ATPAF2: variants seen among roughly 807,000 people sequenced by gnomAD.
ATPAF2 encodes the protein ATP synthase mitochondrial F1 complex assembly factor 2, also known as ATP12 homolog.
ATPAF2 carries 30 observed loss-of-function variants against 36.6 expected under a neutral mutation model. The ratio of observed to expected loss-of-function variants is 0.82; its 90% CI spans 0.61 to 1.11. The LOEUF is 1.11. Among genes scored for constraint, ATPAF2 ranks in the 50% most tolerant of loss-of-function variants. The pLI, the probability that ATPAF2 is intolerant of heterozygous loss-of-function variation, is 0.00. For synonymous variants in ATPAF2, 140 were observed against 152.6 expected (o/e 0.92, Z 0.61); for missense variants, 321 against 372.3 (o/e 0.86, Z 1.13).
intron 1 of ATPAF2, among the ~76,000 whole-genome samples, chr17:18,035,370 T>C (rs2044689768): frequency 6.6e-6 from 1 of 152,220 alleles, no homozygotes; most frequent in African/African-American, 2.4e-5. Flanking sequence ...AAGTAGTAGT[T>C]GCCAAGGGAT....
chr17:18,035,390 A>C (rs2044689985), intron 1 of ATPAF2, among the ~76,000 whole-genome samples: 1 of 152,238 alleles, frequency 6.6e-6, no homozygotes, highest in Non-Finnish European at 1.5e-5. Context: ...TGGAAGTAGT[A>C]AGGGTGGATG....
chr17:18,024,766 G>A, intron 4 of ATPAF2, 62 bp from the exon 5 acceptor site: 5 of 1,455,302 alleles, frequency 3.4e-6, no homozygotes, highest in Middle Eastern at 1.8e-4. Context: ...TTCAGTGATA[G>A]AAAAGGAAAA....
chr17:18,015,932 C>T (rs929529398), downstream of ATPAF2: 2 of 899,136 alleles, frequency 2.2e-6, no homozygotes, highest in African/African-American at 3.3e-5. Context: ...TGCGCTGATA[C>T]AAAGGTGGGC....
intron 2 of ATPAF2, 29 bp from the exon 3 acceptor site, chr17:18,028,406 G>A (rs755723720): frequency 6.2e-7 from 1 of 1,612,068 alleles, no homozygotes; most frequent in South Asian, 1.1e-5. Flanking sequence ...AAACTCTCAG[G>A]GATTTGTTAA....
rs368553293 is a variant in ATPAF2 at position 18,028,632 on chromosome 17, C to G, written c.161G>C (p.Ser54Thr). The G allele has an allele frequency of 1.2e-6, 2 of 1,610,962 alleles. No homozygotes were observed. Among genetic ancestry groups the G allele is most frequent in the Middle Eastern group, 1.7e-4 (1 of 6,044 alleles). Reference protein sequence around the residue: ...TERKRFYQNVSITQGEGGFEI... With the variant: ...TERKRFYQNVTITQGEGGFEI... ...ACACTCACCTTCACCCTGTGTGATG[C>G]TGACATTCTGATAAAACCTCTTCCT... The change falls in exon 2 of 8, where the codon AGC becomes ACC. Residue 54 changes from serine to threonine, a missense_variant. Transcript: ENST00000474627.
intron 5 of ATPAF2, among the ~76,000 whole-genome samples, chr17:18,022,703 G>T (rs1190081186): frequency 6.8e-6 from 1 of 147,416 alleles, no homozygotes; most frequent in Non-Finnish European, 1.5e-5. Context: ...CCTGACCTCT[G>T]CGCCTGGCTG....
intron 1 of ATPAF2, among the ~76,000 whole-genome samples, chr17:18,033,510 T>C (rs1324405820): frequency 2.6e-5 from 4 of 151,850 alleles, no homozygotes; most frequent in Non-Finnish European, 4.4e-5. Context: ...CAGACATCAA[T>C]GGTAACCCTG....
intron 5 of ATPAF2, among the ~76,000 whole-genome samples, chr17:18,024,052 G>A (rs1031629642): frequency 1.5e-4 from 23 of 152,322 alleles, no homozygotes; most frequent in African/African-American, 4.8e-4. Flanking sequence ...TATCGTATAT[G>A]TTGTTCTGTT....
chr17:18,017,224 A>G (rs1370710449), downstream of ATPAF2, among the ~76,000 whole-genome samples: 1 of 150,752 alleles, frequency 6.6e-6, no homozygotes, highest in Non-Finnish European at 1.5e-5. Flanking sequence ...ATGTAGGAAC[A>G]AGAGAAAGAG....
At chr17:18,019,349 G>A (rs144508740) in intron 7 of ATPAF2, among the ~76,000 whole-genome samples, 128 of 152,366 alleles carry the variant, frequency 8.4e-4, no homozygotes, top group Middle Eastern at 3.4e-3. Flanking sequence ...TCTTTGAGGA[G>A]GCCTTATGTG....
At chr17:18,016,222 A>T, downstream of ATPAF2, 1 of 1,606,112 alleles carries the variant, frequency 6.2e-7, no homozygotes, top group Non-Finnish European at 8.5e-7. Context: ...CCATCCTAGC[A>T]GGCTGGATGA....
At chr17:18,016,617 C>A, downstream of ATPAF2, 1 of 1,613,828 alleles carries the variant, frequency 6.2e-7, no homozygotes, top group Non-Finnish European at 8.5e-7. Flanking sequence ...ATCAGTACAT[C>A]GACCACATGC....
chr17:18,023,877 A>G (rs142613707), intron 5 of ATPAF2, among the ~76,000 whole-genome samples: 2 of 152,374 alleles, frequency 1.3e-5, no homozygotes, highest in East Asian at 3.9e-4. Flanking sequence ...ATCAAATGAA[A>G]TTGAATTTAT....
At chr17:18,030,477 C>T (rs750752144) in intron 1 of ATPAF2, among the ~76,000 whole-genome samples, 18 of 145,882 alleles carry the variant, frequency 1.2e-4, no homozygotes, top group Non-Finnish European at 2.1e-4. Flanking sequence ...CACTGCACTC[C>T]AGCCTGGGCA....
chr17:18,021,883 T>A, intron 5 of ATPAF2, 26 bp from the exon 6 acceptor site: 1 of 1,588,438 alleles, frequency 6.3e-7, no homozygotes, highest in Non-Finnish European at 8.6e-7. Context: ...CTTCGGCATG[T>A]CTCTGTCATG....
At chr17:18,025,875 T>G (rs2044537630) in intron 4 of ATPAF2, among the ~76,000 whole-genome samples, 1 of 152,190 alleles carries the variant, frequency 6.6e-6, no homozygotes, top group Non-Finnish European at 1.5e-5. Context: ...AACTTTCCTT[T>G]GGCATCACTG....
rs534536674 is a variant in ATPAF2, at chr17:18,023,394, C to T, written c.503+1230G>A. On this transcript the variant is annotated intron_variant, in intron 5 of 7. Coordinates refer to ENST00000474627, the MANE Select transcript of ATPAF2 (RefSeq NM_145691.4). ...AGTGAGCCAAGATCGCATCACTGCA[C>T]TCCAGCCTGGGCGACAGAGCGAGAC... 4.8e-3 allele frequency among the ~76,000 whole-genome samples: 732 copies of T among 152,266 alleles called. 4 individuals carry two copies. The highest frequency in any genetic ancestry group is 8.6e-3 in the Non-Finnish European group (583 of 68,030).
At chr17:18,028,456 T>C (rs2044579655) in intron 2 of ATPAF2, 79 bp from the exon 3 acceptor site, 3 of 1,589,540 alleles carry the variant, frequency 1.9e-6, no homozygotes, top group African/African-American at 1.3e-5. Flanking sequence ...GCCACTTGAA[T>C]TGGTGCAGAC....
At chr17:18,016,514 C>A, downstream of ATPAF2, 1 of 1,357,490 alleles carries the variant, frequency 7.4e-7, no homozygotes, top group Non-Finnish European at 1.0e-6. Flanking sequence ...AGATATTAAC[C>A]AATGATCTGA....
Sources: allele counts gnomAD v4.1 joint callset (sites outside exome capture counted in the v4.1 genomes callset), GRCh38; gene constraint gnomAD v4.1.1; transcripts MANE v1.5; gene names NCBI Gene and HGNC (gene_info 2026-07-23, HGNC 2026-07-21).